Variants in PDE12 observed in about 807,000 individuals in gnomAD.
PDE12 encodes phosphodiesterase 12, also known as 2',5'-phosphodiesterase 12.
In PDE12, 26 loss-of-function variants were observed where a neutral mutation model predicts 45.4. That is an observed-to-expected ratio of 0.57 (90% CI 0.42 to 0.79). PDE12 has a LOEUF of 0.79. PDE12 is among the 30% of genes least tolerant of loss of function. The pLI is 0.00. For synonymous variants in PDE12, 283 were observed against 323.9 expected (o/e 0.87, Z 1.36); for missense variants, 668 against 790.0 (o/e 0.85, Z 1.85).
At chr3:57,614,710 A>C in the PDE12 span, among the ~76,000 whole-genome samples, 1 of 151,404 alleles carries the variant, frequency 6.6e-6, no homozygotes, top group African/African-American at 2.4e-5. Flanking sequence ...ACGCCCGGCT[A>C]AATTTTTTGG....
At chr3:57,599,320 T>A in the PDE12 span, among the ~76,000 whole-genome samples, 1 of 152,204 alleles carries the variant, frequency 6.6e-6, no homozygotes, top group Non-Finnish European at 1.5e-5. Context: ...TTTTAAAGAA[T>A]GGGAGGCAGG....
the PDE12 span, chr3:57,630,298 GA>G: frequency 1.2e-6 from 1 of 811,128 alleles, no homozygotes; most frequent in Non-Finnish European, 1.8e-6. Flanking sequence ...ACATGATCTA[GA>G]AAAGTTAGTC....
rs1158262975 is a variant in PDE12, at chr3:57,561,556, A to G, written c.*1552A>G. 5 of 983,954 alleles carry G rather than the reference A, an allele frequency of 5.1e-6. No individual in the cohort carries two copies. The African/African-American group carries it at 8.7e-5, about 17-fold the overall frequency. The allele number at this position is 983,954 out of a possible 1,614,324, so 61.0% of individuals were successfully genotyped here. ...CTTTACTAATTCAGTTATGAAATAC[A>G]TTATTTATAATGCATTAGCTGTATT... On this transcript the variant is annotated 3_prime_UTR_variant, in exon 3 of 3. Coordinates refer to ENST00000311180, the MANE Select transcript of PDE12 (RefSeq NM_177966.7).
rs754451894 is a variant in PDE12 at position 57,557,248 on chromosome 3, C to T, written c.869C>T (p.Thr290Ile). 1 of 1,613,984 alleles carries T rather than the reference C, an allele frequency of 6.2e-7. No homozygotes were observed. The highest frequency in any genetic ancestry group is 1.1e-5 in the South Asian group (1 of 91,084). ...CGGCATCTCTACACGAAGAAGGTGA[C>T]TGAGGACGCTCTCATCCGCACTGTC... ...DHRHLYTKKV[T>I]EDALIRTVSY... Residue 290 changes from threonine to isoleucine, a missense_variant, in exon 1 of 3, where the codon ACT (threonine) becomes ATT (isoleucine). Transcript: ENST00000311180.
chr3:57,604,802 G>A, the PDE12 span, among the ~76,000 whole-genome samples: 1 of 151,748 alleles, frequency 6.6e-6, no homozygotes, highest in African/African-American at 2.4e-5. Context: ...TTTTAGAGAT[G>A]GGGTCTTGCT....
chr3:57,615,662 G>A, the PDE12 span, among the ~76,000 whole-genome samples: 1 of 152,036 alleles, frequency 6.6e-6, no homozygotes, highest in African/African-American at 2.4e-5. Flanking sequence ...AGGTTAGCTG[G>A]GCATGGTGGT....
At chr3:57,641,322 A>G in the PDE12 span, among the ~76,000 whole-genome samples, 1 of 144,634 alleles carries the variant, frequency 6.9e-6, no homozygotes, top group Non-Finnish European at 1.5e-5. Flanking sequence ...TATATTCAAT[A>G]TATTATATTA....
chr3:57,607,125 T>C, the PDE12 span, among the ~76,000 whole-genome samples: 2 of 152,174 alleles, frequency 1.3e-5, no homozygotes, highest in Non-Finnish European at 2.9e-5. Context: ...TGCTGATACC[T>C]AGGCAAACAG....
the PDE12 span, among the ~76,000 whole-genome samples, chr3:57,652,154 T>C: frequency 6.6e-6 from 1 of 152,256 alleles, no homozygotes. Flanking sequence ...ACTGGATTAC[T>C]GGTTTGATTG....
At chr3:57,631,416 G>A in the PDE12 span, among the ~76,000 whole-genome samples, 1 of 151,944 alleles carries the variant, frequency 6.6e-6, no homozygotes, top group African/African-American at 2.4e-5. Context: ...GGCTGGTCTC[G>A]AACTCCTGAC....
At chr3:57,634,331 G>T in the PDE12 span, among the ~76,000 whole-genome samples, 5 of 151,678 alleles carry the variant, frequency 3.3e-5, no homozygotes, top group Admixed American at 3.3e-4. Flanking sequence ...TGCTCAGGAG[G>T]CTGAGGCATG....
Position 57,566,747 on chromosome 3 carries a change from T to TA in PDE12, c.*6744dup. The TA allele has an allele frequency of 6.6e-6, 1 of 152,218 alleles. No homozygotes were observed. The highest frequency in any genetic ancestry group is 1.9e-4 in the East Asian group (1 of 5,202). 9.4% of individuals were successfully genotyped at this position (152,218 alleles called of 1,614,324 possible). On this transcript the variant is annotated 3_prime_UTR_variant, in exon 3 of 3. Coordinates refer to ENST00000311180, the MANE Select transcript of PDE12 (RefSeq NM_177966.7). ...TTCATGTGCTCGTTGGCCATCTATATATCTCTGGAGAAATGTCTTTTGAAA... is the reference window on the plus strand; with the variant it reads ...TTCATGTGCTCGTTGGCCATCTATATAATCTCTGGAGAAATGTCTTTTGAAA...
chr3:57,615,633 G>A, the PDE12 span, among the ~76,000 whole-genome samples: 7 of 151,938 alleles, frequency 4.6e-5, no homozygotes, highest in Admixed American at 1.3e-4. Context: ...GTGAAACCTC[G>A]TCTCTACTAA....
the PDE12 span, among the ~76,000 whole-genome samples, chr3:57,607,615 C>G: frequency 6.6e-6 from 1 of 151,988 alleles, no homozygotes; most frequent in African/African-American, 2.4e-5. Context: ...GTAGCCGATT[C>G]GATCAACTGG....
At chr3:57,652,462 C>T in the PDE12 span, among the ~76,000 whole-genome samples, 22 of 152,156 alleles carry the variant, frequency 1.4e-4, no homozygotes, top group Non-Finnish European at 3.1e-4. Flanking sequence ...TGACTGCAAC[C>T]ACATAAAAAA....
the PDE12 span, among the ~76,000 whole-genome samples, chr3:57,616,612 A>G: frequency 6.6e-6 from 1 of 152,236 alleles, no homozygotes; most frequent in East Asian, 1.9e-4. Context: ...CTACGTCCAA[A>G]TAGCTTAACT....
the PDE12 span, chr3:57,626,225 T>G: frequency 6.6e-6 from 1 of 152,642 alleles, no homozygotes. Flanking sequence ...ATTTGGGTAT[T>G]AGACCACAGT....
chr3:57,559,952 T>C lies in PDE12; in HGVS notation c.1778T>C (p.Val593Ala), dbSNP rs1429839420. 6.2e-7 allele frequency: 1 copy of C among 1,612,914 alleles called. No homozygotes were observed. The highest frequency in any genetic ancestry group is 1.1e-5 in the South Asian group (1 of 91,074). ...ACCACCCACCAGGCCTTACCTAGTG[T>C]TTCCCATCCCTCTGATCACATAGCA... is the stretch of plus-strand genomic sequence containing the variant. ...EVTTHQALPS[V>A]SHPSDHIALV... The change falls in exon 3 of 3, where the codon GTT becomes GCT. Residue 593 changes from valine (V) to alanine (A), a missense_variant. By Grantham distance (64) the Val-to-Ala change is moderately conservative (BLOSUM62 0). This residue lies in a region of PDE12 where 79 missense variants were observed against 97.9 expected (regional missense o/e 0.81). Transcript: ENST00000311180.
At chr3:57,587,443 T>C in the PDE12 span, among the ~76,000 whole-genome samples, 1 of 151,754 alleles carries the variant, frequency 6.6e-6, no homozygotes, top group Non-Finnish European at 1.5e-5. Context: ...GTAATCCAAG[T>C]TTTCTTTTAA....
Sources: allele counts gnomAD v4.1 joint callset (sites outside exome capture counted in the v4.1 genomes callset), GRCh38; gene constraint gnomAD v4.1.1; regional missense constraint gnomAD v4.1.1; transcripts MANE v1.5; gene names NCBI Gene and HGNC (gene_info 2026-07-23, HGNC 2026-07-21).